PATJ: variants seen among roughly 807,000 people sequenced by gnomAD.
PATJ encodes PATJ crumbs cell polarity complex component.
PATJ carries 190 observed loss-of-function variants against 224.9 expected under a neutral mutation model. That is an observed-to-expected ratio of 0.84 (90% confidence interval 0.75 to 0.95). The LOEUF (loss-of-function observed/expected upper bound fraction) is 0.95. PATJ is among the 40% of genes least tolerant of loss of function. The pLI is 0.00. For missense variants in PATJ, 2,121 were observed against 2,270.3 expected, an observed-to-expected ratio of 0.93 and a Z score of 1.34; for synonymous variants, 769 against 820.3, an observed-to-expected ratio of 0.94 and a Z score of 1.07.
intron 16 of PATJ, among the ~76,000 whole-genome samples, chr1:61,830,251 A>G (rs977100915): frequency 6.6e-6 from 1 of 152,220 alleles, no homozygotes; most frequent in African/African-American, 2.4e-5. Flanking sequence ...TAGGAACTCA[A>G]TCCCATTCAC....
chr1:61,931,905 A>G (rs1230286596), intron 27 of PATJ, among the ~76,000 whole-genome samples: 1 of 152,260 alleles, frequency 6.6e-6, no homozygotes, highest in Non-Finnish European at 1.5e-5. Flanking sequence ...ACATACACAC[A>G]GGAACATGTA....
At chr1:62,112,225 G>T (rs1663913533) in intron 34 of PATJ, among the ~76,000 whole-genome samples, 1 of 152,178 alleles carries the variant, frequency 6.6e-6, no homozygotes, top group East Asian at 2.0e-4. Context: ...AGCCTTGGGG[G>T]CCGGGTGCGG....
At chr1:61,763,645 G>A (rs1043769622) in intron 3 of PATJ, among the ~76,000 whole-genome samples, 2 of 151,974 alleles carry the variant, frequency 1.3e-5, no homozygotes, top group African/African-American at 4.8e-5. Context: ...CTATAAAATA[G>A]TGCTTAACTT....
chr1:62,003,179 C>T (rs1645892516), intron 28 of PATJ, among the ~76,000 whole-genome samples: 1 of 152,132 alleles, frequency 6.6e-6, no homozygotes, highest in Non-Finnish European at 1.5e-5. Context: ...TGGGAAATTA[C>T]CTATAGTCAC....
chr1:62,111,003 A>G (rs540946085), intron 34 of PATJ, among the ~76,000 whole-genome samples: 9 of 152,234 alleles, frequency 5.9e-5, no homozygotes, highest in Non-Finnish European at 1.0e-4. Context: ...GATTATCGGC[A>G]CATTTCGTGG....
intron 24 of PATJ, among the ~76,000 whole-genome samples, chr1:61,903,405 G>A (rs1671455176): frequency 6.6e-6 from 1 of 152,214 alleles, no homozygotes; most frequent in Non-Finnish European, 1.5e-5. Flanking sequence ...AGATGGGCAA[G>A]ACTGTGGGAG....
At chr1:61,914,065 G>C (rs1353755184) in intron 25 of PATJ, among the ~76,000 whole-genome samples, 1 of 152,148 alleles carries the variant, frequency 6.6e-6, no homozygotes, top group African/African-American at 2.4e-5. Flanking sequence ...GGCTTTCCAA[G>C]TTTTATTGTT....
intron 41 of PATJ, among the ~76,000 whole-genome samples, chr1:62,144,816 C>T (rs112663921): frequency 0.024 from 3,071 of 126,364 alleles, 99 homozygotes; most frequent in African/African-American, 0.077. Context: ...ATACAAAGTG[C>T]CATTATTCTA....
intron 33 of PATJ, among the ~76,000 whole-genome samples, chr1:62,093,772 C>T (rs1661060610): frequency 6.6e-6 from 1 of 152,014 alleles, no homozygotes; most frequent in Admixed American, 6.6e-5. Flanking sequence ...AAATATAATG[C>T]AAATCATATA....
Position 62,148,451 on chromosome 1 carries a change from C to T in PATJ, c.5378+61C>T, listed in dbSNP as rs1008424867. The T allele has an allele frequency of 3.3e-6, 4 of 1,229,476 alleles. No individual in the cohort carries two copies. In the African/African-American group the frequency reaches 5.9e-5, roughly 18 times the overall value. 76.2% of individuals were successfully genotyped at this position (1,229,476 alleles called of 1,614,324 possible). On this transcript the variant is annotated intron_variant, in intron 42 of 43. Coordinates refer to ENST00000642238, the MANE Select transcript of PATJ (RefSeq NM_001350145.3). ...GTGGGCAAAGCTCGGAAGAACTTTT[C>T]CAGACACTCAAGTGCACTCTAAAGG...
At chr1:61,798,879 T>G (rs988266076) in intron 11 of PATJ, among the ~76,000 whole-genome samples, 2 of 151,586 alleles carry the variant, frequency 1.3e-5, no homozygotes, top group African/African-American at 4.9e-5. Flanking sequence ...GTGAGACCTG[T>G]CTCTTAAAAG....
At chr1:61,937,650 C>CT (rs370155855) in intron 27 of PATJ, among the ~76,000 whole-genome samples, 93,970 of 132,904 alleles carry the variant, frequency 0.71, 35,708 homozygotes, top group Non-Finnish European at 0.84. Flanking sequence ...CTTTCTTCTT[C>CT]TTTTTTTTTT....
rs1164986680 is a variant in PATJ, at chr1:62,153,737, C to G, written c.5502+256C>G. ...TGCTCACAGATTTTTAGAGTGTCTT[C>G]TTTCAGCAACACAGCATAAGGAGCA... On this transcript the variant is annotated intron_variant, in intron 43 of 43. Transcript: ENST00000642238. Among the ~76,000 whole-genome samples the G allele has an allele frequency of 2.6e-5, 4 of 152,230 alleles. No homozygotes were observed. The East Asian group carries it at 7.7e-4, about 29-fold the overall frequency.
chr1:61,799,473 G>A (rs1188365517), intron 11 of PATJ, among the ~76,000 whole-genome samples: 4 of 152,148 alleles, frequency 2.6e-5, no homozygotes, highest in Non-Finnish European at 5.9e-5. Flanking sequence ...TGGATTACAG[G>A]CGTGATCCAC....
chr1:62,084,873 T>G, intron 33 of PATJ, among the ~76,000 whole-genome samples: 1 of 152,194 alleles, frequency 6.6e-6, no homozygotes, highest in East Asian at 1.9e-4. Context: ...ATCCCAGCAC[T>G]TTGGGAGGCC....
At chr1:61,814,577 A>G (rs1036123242) in intron 14 of PATJ, among the ~76,000 whole-genome samples, 3 of 149,004 alleles carry the variant, frequency 2.0e-5, no homozygotes, top group Non-Finnish European at 3.0e-5. Context: ...TGTGGGATAG[A>G]AGGGGTGTGT....
rs769933860 is a variant in PATJ at position 61,990,157 on chromosome 1, T to G, written c.3671-11T>G. 1 of 1,570,226 alleles carries G rather than the reference T, an allele frequency of 6.4e-7. No homozygotes were observed. The highest frequency in any genetic ancestry group is 1.2e-5 in the South Asian group (1 of 83,948). On this transcript the variant is annotated splice_polypyrimidine_tract_variant and intron_variant, in intron 27 of 43. Transcript: ENST00000642238. ...CTACTCTATTTAATTTTAAAAAAAT[T>G]CTTTTAATAGAAAAAATCAGACAAA...
intron 17 of PATJ, among the ~76,000 whole-genome samples, chr1:61,838,802 GTA>G (rs1660628492): frequency 6.6e-6 from 1 of 152,022 alleles, no homozygotes; most frequent in Non-Finnish European, 1.5e-5. Context: ...TCTTTCCCTA[GTA>G]TTTATGTGTA....
At chr1:61,798,206 A>T (rs1557664448) in intron 11 of PATJ, among the ~76,000 whole-genome samples, 1 of 149,946 alleles carries the variant, frequency 6.7e-6, no homozygotes, top group Admixed American at 6.6e-5. Flanking sequence ...TTTGTATTTT[A>T]TTTTTTTTAG....
Sources: gnomAD v4.1 joint callset for allele counts (sites outside exome capture counted in the v4.1 genomes callset) on GRCh38, gnomAD v4.1.1 for gene constraint, MANE v1.5 for transcripts, NCBI Gene and HGNC (gene_info 2026-07-23, HGNC 2026-07-21) for gene names.